CDH1: variants seen among roughly 807,000 people sequenced by gnomAD.
CDH1 encodes the protein cadherin 1, also known as cadherin-1.
Under a neutral mutation model 84.5 loss-of-function variants are expected in CDH1, and 35 were observed. The observed-to-expected ratio is 0.41, with a 90% CI of 0.32 to 0.55. The LOEUF (loss-of-function observed/expected upper bound fraction) is 0.55. Ranked by LOEUF, CDH1 falls within the 20% of genes least tolerant of loss-of-function variation. CDH1 has a pLI of 0.19. For synonymous variants in CDH1, 417 were observed against 439.0 expected (o/e 0.95, Z 0.63); for missense variants, 994 against 1,126.6 (o/e 0.88, Z 1.68).
intron 3 of CDH1, among the ~76,000 whole-genome samples, chr16:68,805,639 G>A (rs1310806617): frequency 6.6e-6 from 1 of 152,126 alleles, no homozygotes; most frequent in Non-Finnish European, 1.5e-5. Flanking sequence ...TTGTCACCCA[G>A]GCTAGAGTGC....
At chr16:68,816,753 A>ACAAAAAC (rs1960996279) in intron 10 of CDH1, among the ~76,000 whole-genome samples, 1 of 150,338 alleles carries the variant, frequency 6.7e-6, no homozygotes, top group African/African-American at 2.4e-5. Flanking sequence ...CATCTCAAAA[A>ACAAAAAC]CAAAAAACAA....
Position 68,833,420 on chromosome 16 carries a change from A to G in CDH1, c.2570A>G (p.Gln857Arg), listed in dbSNP as rs2152144105. The G allele has an allele frequency of 6.2e-7, 1 of 1,614,218 alleles. No individual in the cohort carries two copies. Among genetic ancestry groups the G allele is most frequent in the Non-Finnish European group, 8.5e-7 (1 of 1,180,034 alleles). Residue 857 changes from glutamine (Q) to arginine (R), a missense_variant, in exon 16 of 16, where the codon CAG (glutamine) becomes CGG (arginine). Gln to Arg is a conservative substitution (Grantham distance 43, BLOSUM62 1). Around this residue, in one of 3 missense-constraint regions of CDH1, gnomAD observed 769 missense variants for 881.8 expected, o/e 0.87. Coordinates refer to ENST00000261769, the MANE Select transcript of CDH1 (RefSeq NM_004360.5). Reference protein sequence around the residue: ...SLNSSESDKDQDYDYLNEWGN... With the variant: ...SLNSSESDKDRDYDYLNEWGN... ...AACTCCTCAGAGTCAGACAAAGACCAGGACTATGACTACTTGAACGAATGG... is the reference window on the plus strand; with the variant it reads ...AACTCCTCAGAGTCAGACAAAGACCGGGACTATGACTACTTGAACGAATGG...
At chr16:68,790,849 G>C (rs1960188009) in intron 2 of CDH1, among the ~76,000 whole-genome samples, 1 of 152,138 alleles carries the variant, frequency 6.6e-6, no homozygotes, top group Non-Finnish European at 1.5e-5. Flanking sequence ...ATCCAGGCAG[G>C]AATATTGAGA....
chr16:68,766,500 G>A (rs1340151114), intron 2 of CDH1, among the ~76,000 whole-genome samples: 1 of 152,080 alleles, frequency 6.6e-6, no homozygotes, highest in Non-Finnish European at 1.5e-5. Context: ...TCTGTAAAAT[G>A]GCATTAGTAG....
intron 2 of CDH1, among the ~76,000 whole-genome samples, chr16:68,756,777 G>A (rs552875399): frequency 9.1e-4 from 138 of 152,300 alleles, no homozygotes; most frequent in African/African-American, 3.2e-3. Context: ...GCCAAAGTGG[G>A]AGGATTGCTT....
chr16:68,784,327 G>C (rs915174799), intron 2 of CDH1, among the ~76,000 whole-genome samples: 1 of 152,138 alleles, frequency 6.6e-6, no homozygotes, highest in African/African-American at 2.4e-5. Context: ...AACGAACCCA[G>C]AAAAAATGCA....
Position 68,793,192 on chromosome 16 carries a change from G to A in CDH1, c.164-8478G>A, listed in dbSNP as rs796287358. Reference sequence around the variant, plus strand: ...TCCCTGGAAAAATGTTGTGGTTGACGTTGGCAGTTTAGAGGAACTTTGACT... The same window carrying A: ...TCCCTGGAAAAATGTTGTGGTTGACATTGGCAGTTTAGAGGAACTTTGACT... On this transcript the variant is annotated intron_variant, in intron 2 of 15. Coordinates refer to ENST00000261769, the MANE Select transcript of CDH1 (RefSeq NM_004360.5). Among the ~76,000 whole-genome samples, 15 of 152,312 alleles carry A rather than the reference G, an allele frequency of 9.8e-5. 1 individual carries two copies. Among genetic ancestry groups the A allele is most frequent in the African/African-American group, 3.6e-4 (15 of 41,558 alleles).
intron 2 of CDH1, among the ~76,000 whole-genome samples, chr16:68,792,231 CTT>C (rs750976738): frequency 7.0e-5 from 8 of 113,516 alleles, no homozygotes; most frequent in Admixed American, 9.4e-5. Flanking sequence ...TAAACACTGA[CTT>C]TTTTTTTTTT....
Position 68,822,197 on chromosome 16 carries a change from C to A in CDH1, c.1908C>A (p.Ala636=), listed in dbSNP as rs2152138571. 1.2e-6 allele frequency: 2 copies of A among 1,614,068 alleles called. No homozygotes were observed. The highest frequency in any genetic ancestry group is 1.1e-5 in the South Asian group (1 of 91,078). ...FTAELTHGAS[A]NWTIQYNDPT... is the part of the protein sequence containing the mutation. ...CAGAACTAACACACGGGGCGAGTGC[C>A]AACTGGACCATTCAGTACAACGACC... Residue 636 remains alanine, a synonymous_variant, in exon 12 of 16, where the codon GCC becomes GCA. Coordinates refer to ENST00000261769, the MANE Select transcript of CDH1 (RefSeq NM_004360.5).
rs553862447 is a variant in CDH1 at position 68,746,411 on chromosome 16, C to T, written c.163+8000C>T. The stretch of plus-strand genomic sequence containing the variant: ...CTGCACCCTAGCCTGGGCAACAGAG[C>T]GAGACTCCATCTCTAAATAAATAAA... On this transcript the variant is annotated intron_variant, in intron 2 of 15. Coordinates refer to ENST00000261769, the MANE Select transcript of CDH1 (RefSeq NM_004360.5). Among the ~76,000 whole-genome samples, 9 of 152,078 alleles carry T rather than the reference C, an allele frequency of 5.9e-5. No homozygotes were observed. The East Asian group carries it at 9.7e-4, about 16-fold the overall frequency.
At chr16:68,832,287 GT>G (rs201230978) in intron 15 of CDH1, among the ~76,000 whole-genome samples, 447 of 144,348 alleles carry the variant, frequency 3.1e-3, no homozygotes, top group East Asian at 7.0e-3. Flanking sequence ...AAACCTAAAA[GT>G]TTTTTTTTTT....
chr16:68,801,605 G>T, intron 2 of CDH1, 65 bp from the exon 3 acceptor site: 1 of 1,366,914 alleles, frequency 7.3e-7, no homozygotes, highest in Non-Finnish European at 1.0e-6. Flanking sequence ...TTCGCTCTTT[G>T]GAGAAGGAAT....
intron 11 of CDH1, 76 bp downstream of exon 11, chr16:68,819,501 G>A (rs2152137166): frequency 2.8e-6 from 4 of 1,410,276 alleles, no homozygotes; most frequent in Non-Finnish European, 4.0e-6. Flanking sequence ...CCTTCTTTTG[G>A]AGGGAAGAGT....
rs1327004909 is a variant in CDH1 at position 68,743,343 on chromosome 16, CTTTCTTTCTTTCTTTCTTT to C, written c.163+4933_163+4951del. On this transcript the variant is annotated intron_variant, in intron 2 of 15. Coordinates refer to ENST00000261769, the MANE Select transcript of CDH1 (RefSeq NM_004360.5). ...TCTTTCTTTCTTTCTTTCTTTCTTTCTTTCTTTCTTTCTTTCTTTCTTTTCTTTTCTTTCTTTTGAGACG... is the reference window on the plus strand; with the variant it reads ...TCTTTCTTTCTTTCTTTCTTTCTTTCCTTTTCTTTTCTTTCTTTTGAGACG... 4.7e-4 allele frequency among the ~76,000 whole-genome samples: 10 copies of C among 21,324 alleles called. 1 individual carries two copies. Among genetic ancestry groups the C allele is most frequent in the African/African-American group, 2.1e-3 (10 of 4,816 alleles). 14.0% of individuals were successfully genotyped at this position (21,324 alleles called of 152,430 possible). A position where few individuals can be genotyped will look rare whatever the true frequency, so the allele number is the denominator to read the frequency against.
At chr16:68,812,715 G>A (rs544095047) in intron 8 of CDH1, among the ~76,000 whole-genome samples, 3 of 152,266 alleles carry the variant, frequency 2.0e-5, no homozygotes, top group Admixed American at 2.0e-4. Context: ...TCAAGGAGAA[G>A]GTATTGAGAA....
At chr16:68,786,534 CTTT>C (rs3074434) in intron 2 of CDH1, among the ~76,000 whole-genome samples, 4 of 73,942 alleles carry the variant, frequency 5.4e-5, no homozygotes, top group South Asian at 5.8e-4. Flanking sequence ...TTTTTTTTTT[CTTT>C]TTTTTTTTTT....
chr16:68,787,522 T>A lies in CDH1; in HGVS notation c.164-14148T>A, dbSNP rs1041118902. Among the ~76,000 whole-genome samples, 8 of 151,852 alleles carry A rather than the reference T, an allele frequency of 5.3e-5. No homozygotes were observed. In the East Asian group the frequency reaches 5.8e-4, roughly 11 times the overall value. On this transcript the variant is annotated intron_variant, in intron 2 of 15. Transcript: ENST00000261769. ...TTTAGTTGTTGATTTTTTTTTTTTTTAAATAGAGATGGGATCCTACTATGT... is the reference window on the plus strand; with the variant it reads ...TTTAGTTGTTGATTTTTTTTTTTTTAAAATAGAGATGGGATCCTACTATGT...
At chr16:68,786,814 C>T (rs146972234) in intron 2 of CDH1, among the ~76,000 whole-genome samples, 3 of 152,300 alleles carry the variant, frequency 2.0e-5, no homozygotes, top group South Asian at 2.1e-4. Context: ...CATCTGCAAG[C>T]ACATGTGACC....
intron 2 of CDH1, among the ~76,000 whole-genome samples, chr16:68,766,032 G>A (rs2152119980): frequency 6.6e-6 from 1 of 152,218 alleles, no homozygotes; most frequent in East Asian, 1.9e-4. Context: ...GGCCAAGGCA[G>A]GCGAATCATG....
Sources: gnomAD v4.1 joint callset for allele counts (sites outside exome capture counted in the v4.1 genomes callset) on GRCh38, gnomAD v4.1.1 for gene constraint, gnomAD v4.1.1 regional missense constraint, MANE v1.5 for transcripts, NCBI Gene and HGNC (gene_info 2026-07-23, HGNC 2026-07-21) for gene names.